TSNARE1: variants seen among roughly 807,000 people sequenced by gnomAD.
TSNARE1 encodes t-SNARE domain-containing protein 1.
Under a neutral mutation model 62.0 loss-of-function variants are expected in TSNARE1, and 49 were observed. The ratio of observed to expected loss-of-function variants is 0.79; its 90% confidence interval spans 0.63 to 1.00. The LOEUF (loss-of-function observed/expected upper bound fraction) is 1.00, where lower values mean the gene tolerates loss of function less well. TSNARE1 is among the 50% of genes least tolerant of loss of function. TSNARE1 has a pLI of 0.00. For missense variants in TSNARE1, 755 were observed against 700.1 expected (o/e 1.08, Z -0.88); for synonymous variants, 328 against 294.4 (o/e 1.11, Z -1.17).
intron 11 of TSNARE1, chr8:142,277,820 C>T: frequency 1.0e-6 from 1 of 985,372 alleles, no homozygotes; most frequent in Non-Finnish European, 1.2e-6. Context: ...GTGAGCAAAC[C>T]TGAGTTCCTG....
chr8:142,295,360 G>A (rs1441988069), intron 10 of TSNARE1, among the ~76,000 whole-genome samples: 1 of 152,252 alleles, frequency 6.6e-6, no homozygotes, highest in Non-Finnish European at 1.5e-5. Flanking sequence ...CCACTGGGAA[G>A]TGGGCATGGT....
intron 12 of TSNARE1, chr8:142,269,513 G>A (rs1228048749): frequency 1.0e-6 from 1 of 985,248 alleles, no homozygotes; most frequent in Non-Finnish European, 1.2e-6. Context: ...ATTTTCTGTA[G>A]AAGCAAGGTT....
At chr8:142,288,253 G>A (rs1488532873) in intron 10 of TSNARE1, among the ~76,000 whole-genome samples, 2 of 152,208 alleles carry the variant, frequency 1.3e-5, no homozygotes, top group Non-Finnish European at 2.9e-5. Context: ...AGTCCCTGAG[G>A]CTCGGCCTCA....
intron 13 of TSNARE1, among the ~76,000 whole-genome samples, chr8:142,226,986 C>A (rs570176533): frequency 3.4e-4 from 42 of 124,566 alleles, no homozygotes; most frequent in African/African-American, 1.8e-3. Flanking sequence ...ACAGCAAGGC[C>A]CCCCACTGCA....
intron 12 of TSNARE1, chr8:142,270,620 C>A (rs1446362475): frequency 8.1e-5 from 80 of 985,194 alleles, no homozygotes; most frequent in Non-Finnish European, 9.4e-5. Flanking sequence ...TGCATGCCCA[C>A]CAAAGGGACA....
intron 7 of TSNARE1, among the ~76,000 whole-genome samples, chr8:142,316,414 C>T (rs1445115375): frequency 6.6e-6 from 1 of 151,796 alleles, no homozygotes; most frequent in East Asian, 1.9e-4. Flanking sequence ...ACTCTGGCCA[C>T]CCCATCACTG....
chr8:142,227,889 T>G (rs1759063854), intron 13 of TSNARE1, among the ~76,000 whole-genome samples: 1 of 152,226 alleles, frequency 6.6e-6, no homozygotes, highest in South Asian at 2.1e-4. Flanking sequence ...TGGCACACAG[T>G]AGACCAACCA....
chr8:142,313,408 ATG>A (rs1458607073), intron 9 of TSNARE1, among the ~76,000 whole-genome samples: 6 of 120,338 alleles, frequency 5.0e-5, no homozygotes, highest in African/African-American at 1.4e-4. Flanking sequence ...GTCTGTGTTT[ATG>A]TGTCTGTGTG....
chr8:142,325,919 G>C (rs1206630640), intron 6 of TSNARE1: 1 of 166,310 alleles, frequency 6.0e-6, no homozygotes, highest in African/African-American at 2.5e-5. Flanking sequence ...CAGCGAAGGG[G>C]AGGGCCCCGG....
chr8:142,226,311 T>G (rs975675329), intron 13 of TSNARE1, among the ~76,000 whole-genome samples: 1 of 152,156 alleles, frequency 6.6e-6, no homozygotes. Flanking sequence ...GGCACACGCA[T>G]GGGCTTGCGC....
At chr8:142,245,199 C>A (rs1455260670) in intron 12 of TSNARE1, among the ~76,000 whole-genome samples, 1 of 152,134 alleles carries the variant, frequency 6.6e-6, no homozygotes, top group Non-Finnish European at 1.5e-5. Context: ...AGCCAGTGAG[C>A]GGATTGAGAG....
chr8:142,230,990 A>G (rs1463169595), intron 12 of TSNARE1, among the ~76,000 whole-genome samples: 1 of 144,914 alleles, frequency 6.9e-6, no homozygotes, highest in African/African-American at 2.6e-5. Context: ...CATCCATTCA[A>G]CCATCCATCC....
chr8:142,292,185 CAG>C (rs1823897631), intron 10 of TSNARE1, among the ~76,000 whole-genome samples: 1 of 152,074 alleles, frequency 6.6e-6, no homozygotes, highest in Non-Finnish European at 1.5e-5. Flanking sequence ...CAACACGAGA[CAG>C]GGGCAGACAA....
intron 12 of TSNARE1, among the ~76,000 whole-genome samples, chr8:142,251,823 C>T (rs1010048011): frequency 7.5e-5 from 11 of 147,438 alleles, no homozygotes; most frequent in Non-Finnish European, 4.5e-5. Flanking sequence ...ACCCGCCACC[C>T]GCGTTCTCTA....
intron 1 of TSNARE1, among the ~76,000 whole-genome samples, chr8:142,400,622 C>T (rs1838216978): frequency 6.6e-6 from 1 of 152,134 alleles, no homozygotes. Flanking sequence ...CACCTGTAGT[C>T]CCAGCTACTT....
chr8:142,257,888 C>A (rs1818663707), intron 12 of TSNARE1, among the ~76,000 whole-genome samples: 1 of 152,138 alleles, frequency 6.6e-6, no homozygotes, highest in East Asian at 1.9e-4. Context: ...TTGGTGCTCC[C>A]ACCCACTGCC....
At position 142,344,045 on chromosome 8, in the gene TSNARE1, CG is replaced by C. The variant is rs1373073904; in HGVS notation, c.665del (p.Thr222SerfsTer54). The C allele has an allele frequency of 1.3e-6, 2 of 1,589,926 alleles. No homozygotes were observed. Among genetic ancestry groups the C allele is most frequent in the African/African-American group, 2.7e-5 (2 of 74,402 alleles). On this transcript the variant is annotated frameshift_variant, in exon 4 of 14. Transcript: ENST00000524325. LOFTEE classifies it high-confidence loss of function. Reference sequence around the variant, plus strand: ...TCTTGGCCACCACCTGCTCCACGGGCGTGAGAGCCAGGGCCTGGGGCTTGCC... The same window carrying C: ...TCTTGGCCACCACCTGCTCCACGGGCTGAGAGCCAGGGCCTGGGGCTTGCC... ...GSGKPQALAL[T>X]PVEQVVAKTF...
At chr8:142,277,048 G>T in intron 11 of TSNARE1, 1 of 985,380 alleles carries the variant, frequency 1.0e-6, no homozygotes, top group Non-Finnish European at 1.2e-6. Flanking sequence ...TTGGTGCGTG[G>T]GACCTGTGGT....
At chr8:142,337,743 C>A (rs560049990) in intron 4 of TSNARE1, among the ~76,000 whole-genome samples, 11 of 152,368 alleles carry the variant, frequency 7.2e-5, no homozygotes, top group East Asian at 1.9e-4. Context: ...GGCCTCCTGC[C>A]GCTTCCAGCC....
Sources: allele counts gnomAD v4.1 joint callset (sites outside exome capture counted in the v4.1 genomes callset), GRCh38; gene constraint gnomAD v4.1.1; transcripts MANE v1.5; gene names NCBI Gene and HGNC (gene_info 2026-07-23, HGNC 2026-07-21).